The following DNAJC1 variants were observed in gnomAD, a reference collection of about 807,000 sequenced individuals.
DNAJC1 encodes the protein DnaJ heat shock protein family (Hsp40) member C1.
Under a neutral mutation model 76.6 loss-of-function variants are expected in DNAJC1, and 58 were observed. The observed-to-expected ratio is 0.76, with a 90% CI of 0.61 to 0.94. DNAJC1 has a LOEUF of 0.94. Among genes scored for constraint, DNAJC1 ranks in the 40% least tolerant of loss-of-function variants. The pLI, the probability that DNAJC1 is intolerant of heterozygous loss-of-function variation, is 0.00. For synonymous variants in DNAJC1, 258 were observed against 267.9 expected, an observed-to-expected ratio of 0.96 and a Z score of 0.36; for missense variants, 689 against 677.3, an observed-to-expected ratio of 1.02 and a Z score of -0.19.
intron 1 of DNAJC1, among the ~76,000 whole-genome samples, chr10:21,987,690 A>G (rs757840917): frequency 6.6e-6 from 1 of 152,240 alleles, no homozygotes; most frequent in Non-Finnish European, 1.5e-5. Flanking sequence ...AAATATCCAT[A>G]TGATTTATCT....
intron 1 of DNAJC1, among the ~76,000 whole-genome samples, chr10:21,968,574 G>C (rs1024444959): frequency 6.6e-6 from 1 of 151,052 alleles, no homozygotes; most frequent in South Asian, 2.1e-4. Flanking sequence ...GTGGCACGAC[G>C]ATCTCGGCTC....
At chr10:21,772,271 CTTTTTTTT>C (rs398045895) in intron 9 of DNAJC1, among the ~76,000 whole-genome samples, 1 of 93,044 alleles carries the variant, frequency 1.1e-5, no homozygotes, top group Non-Finnish European at 2.0e-5. Context: ...CACCCCTCTT[CTTTTTTTT>C]TTTTTTTTTT....
chr10:21,849,581 C>T (rs984977131), intron 8 of DNAJC1, among the ~76,000 whole-genome samples: 1 of 151,810 alleles, frequency 6.6e-6, no homozygotes, highest in East Asian at 1.9e-4. Flanking sequence ...CTTAAAAAAT[C>T]TGAAGAGAAG....
intron 9 of DNAJC1, among the ~76,000 whole-genome samples, chr10:21,800,474 C>A (rs1462564029): frequency 6.6e-6 from 1 of 152,140 alleles, no homozygotes; most frequent in Non-Finnish European, 1.5e-5. Flanking sequence ...AGTGAAAAGA[C>A]AATTTTTTAA....
intron 1 of DNAJC1, among the ~76,000 whole-genome samples, chr10:21,939,272 C>A (rs548835094): frequency 1.3e-5 from 2 of 152,300 alleles, no homozygotes; most frequent in South Asian, 4.1e-4. Flanking sequence ...AGATAATCTA[C>A]CTGGCTATCA....
At chr10:21,919,704 G>T in intron 5 of DNAJC1, 128 bp downstream of exon 5, 1 of 587,546 alleles carries the variant, frequency 1.7e-6, no homozygotes, top group South Asian at 3.4e-5. Flanking sequence ...CACATTATTA[G>T]TCTTTTATAA....
chr10:21,840,948 G>A (rs1383246534), intron 8 of DNAJC1, among the ~76,000 whole-genome samples: 5 of 151,820 alleles, frequency 3.3e-5, no homozygotes, highest in Non-Finnish European at 7.4e-5. Flanking sequence ...AAATAATGCC[G>A]CATATCTACA....
At chr10:21,769,602 C>G (rs553787446) in intron 9 of DNAJC1, among the ~76,000 whole-genome samples, 1 of 152,354 alleles carries the variant, frequency 6.6e-6, no homozygotes, top group African/African-American at 2.4e-5. Flanking sequence ...CATGGCTTCA[C>G]TTTCTAACTG....
chr10:21,857,695 A>C (rs774028337), intron 8 of DNAJC1, among the ~76,000 whole-genome samples: 1 of 152,180 alleles, frequency 6.6e-6, no homozygotes, highest in Non-Finnish European at 1.5e-5. Context: ...GTCTCTATTA[A>C]AAATACAAAA....
chr10:21,759,591 G>T lies in DNAJC1; in HGVS notation c.1175C>A (p.Ser392Ter), dbSNP rs1172518642. 6.2e-7 allele frequency: 1 copy of T among 1,613,854 alleles called. No individual in the cohort carries two copies. The highest frequency in any genetic ancestry group is 2.2e-5 in the East Asian group (1 of 44,884). ...PGMVRLSELK[S>*]TVQNSRPIKT... is the part of the protein sequence containing the mutation. ...GATGGGCCTGGAATTCTGAACTGTC[G>T]ATTTGAGTTCGGAGAGTCTAACCAT... The change falls in exon 11 of 12, where the codon TCG becomes TAG. Residue 392 changes from serine to a stop codon, truncating the protein, a stop_gained. Coordinates refer to ENST00000376980, the MANE Select transcript of DNAJC1 (RefSeq NM_022365.4). LOFTEE classifies it high-confidence loss of function.
chr10:21,833,197 C>T (rs200686082), intron 8 of DNAJC1, among the ~76,000 whole-genome samples: 19 of 152,300 alleles, frequency 1.2e-4, no homozygotes, highest in Admixed American at 7.8e-4. Flanking sequence ...TCTGGCTGGG[C>T]GCAGTGGCTC....
intron 1 of DNAJC1, among the ~76,000 whole-genome samples, chr10:21,955,024 T>A (rs897786675): frequency 6.6e-6 from 1 of 152,100 alleles, no homozygotes; most frequent in Admixed American, 6.6e-5. Flanking sequence ...GTTCTGTGCA[T>A]TATAGGATGT....
Position 21,896,320 on chromosome 10 carries a change from C to A in DNAJC1, c.820+8202G>T, listed in dbSNP as rs550065848. On this transcript the variant is annotated intron_variant, in intron 7 of 11. Coordinates refer to ENST00000376980, the MANE Select transcript of DNAJC1 (RefSeq NM_022365.4). Reference sequence around the variant, plus strand: ...TGGGGTTGCCCAGAGCCTTGGGGACCCAACCTCTACTCTCCTGTGTCTGGA... The same window carrying A: ...TGGGGTTGCCCAGAGCCTTGGGGACACAACCTCTACTCTCCTGTGTCTGGA... Among the ~76,000 whole-genome samples the A allele has an allele frequency of 3.1e-4, 47 of 152,238 alleles. No homozygotes were observed. The East Asian group carries it at 6.7e-3, about 22-fold the overall frequency.
chr10:21,905,257 C>CA lies in DNAJC1; in HGVS notation c.730-646dup, dbSNP rs780987548. Among the ~76,000 whole-genome samples the CA allele has an allele frequency of 6.0e-3, 694 of 115,140 alleles. 1 individual carries two copies. The highest frequency in any genetic ancestry group is 0.013 in the Middle Eastern group (3 of 232). The allele number at this position is 115,140 out of a possible 152,430, so 75.5% of individuals were successfully genotyped here. A position where few individuals can be genotyped will look rare whatever the true frequency, so the allele number is the denominator to read the frequency against. Reference sequence around the variant, plus strand: ...CACAGGTAAGGCTTTAGTGGTGTACCAAAAAAAAAAAAAACCTAGGTCTTA... The same window carrying CA: ...CACAGGTAAGGCTTTAGTGGTGTACCAAAAAAAAAAAAAAACCTAGGTCTTA... On this transcript the variant is annotated intron_variant, in intron 6 of 11. Transcript: ENST00000376980.
At chr10:21,808,052 A>G (rs1834908560) in intron 8 of DNAJC1, among the ~76,000 whole-genome samples, 1 of 152,204 alleles carries the variant, frequency 6.6e-6, no homozygotes, top group Non-Finnish European at 1.5e-5. Context: ...GCAGAATTTA[A>G]ATAAGCTTAC....
At chr10:21,770,892 C>A (rs1348963190) in intron 9 of DNAJC1, among the ~76,000 whole-genome samples, 1 of 152,006 alleles carries the variant, frequency 6.6e-6, no homozygotes, top group Non-Finnish European at 1.5e-5. Context: ...GTTGCTTGTG[C>A]CTTTGGTGTC....
intron 8 of DNAJC1, among the ~76,000 whole-genome samples, chr10:21,829,570 T>C (rs1340297406): frequency 6.6e-6 from 1 of 152,206 alleles, no homozygotes; most frequent in African/African-American, 2.4e-5. Flanking sequence ...CAGGCTGGTC[T>C]TGAACTCCTG....
At chr10:21,842,851 G>A (rs1835595502) in intron 8 of DNAJC1, among the ~76,000 whole-genome samples, 1 of 152,106 alleles carries the variant, frequency 6.6e-6, no homozygotes, top group Admixed American at 6.6e-5. Context: ...CAAAAATTAG[G>A]AACAGTAAAA....
intron 1 of DNAJC1, among the ~76,000 whole-genome samples, chr10:21,979,867 C>T (rs113160937): frequency 6.6e-6 from 1 of 151,960 alleles, no homozygotes; most frequent in Non-Finnish European, 1.5e-5. Context: ...ATAATCAAAG[C>T]TTTCTGCTCC....
Sources: gnomAD v4.1 joint callset for allele counts (sites outside exome capture counted in the v4.1 genomes callset) on GRCh38, gnomAD v4.1.1 for gene constraint, MANE v1.5 for transcripts, NCBI Gene and HGNC (gene_info 2026-07-23, HGNC 2026-07-21) for gene names.